The following LACTB variants were observed in gnomAD, a reference collection of about 807,000 sequenced individuals.
LACTB encodes serine beta-lactamase-like protein LACTB, mitochondrial.
LACTB carries 35 observed loss-of-function variants against 50.2 expected under a neutral mutation model. That is an observed-to-expected ratio of 0.70 (90% CI 0.53 to 0.92). The LOEUF is 0.92. Among genes scored for constraint, LACTB ranks in the 40% least tolerant of loss-of-function variants. The pLI is 0.00. For synonymous variants in LACTB, 252 were observed against 268.2 expected, an observed-to-expected ratio of 0.94 and a Z score of 0.59; for missense variants, 664 against 691.8, an observed-to-expected ratio of 0.96 and a Z score of 0.45.
chr15:63,125,592 G>A (rs1251349066), intron 2 of LACTB, among the ~76,000 whole-genome samples: 4 of 152,220 alleles, frequency 2.6e-5, no homozygotes, highest in African/African-American at 9.6e-5. Flanking sequence ...TGGACTTTAT[G>A]CAAATATTTT....
intron 5 of LACTB, chr15:63,140,961 A>G: frequency 1.0e-6 from 1 of 971,900 alleles, no homozygotes; most frequent in South Asian, 4.8e-5. Context: ...TGCACAGGGC[A>G]AATATGTCAT....
chr15:63,137,776 A>G (rs2037190412), intron 5 of LACTB, among the ~76,000 whole-genome samples: 1 of 152,126 alleles, frequency 6.6e-6, no homozygotes, highest in African/African-American at 2.4e-5. Context: ...CTTTGGCTGT[A>G]TTTTGACAGT....
chr15:63,127,779 C>T, intron 4 of LACTB, 90 bp downstream of exon 4: 1 of 892,170 alleles, frequency 1.1e-6, no homozygotes, highest in Non-Finnish European at 1.7e-6. Flanking sequence ...GGAGTGCATT[C>T]ATTGAGGTTG....
rs1231666157 is a variant in LACTB, at chr15:63,122,123, G to C, written c.252G>C (p.Gln84His). 1.1e-5 allele frequency: 16 copies of C among 1,489,162 alleles called. 1 individual carries two copies. Among genetic ancestry groups the C allele is most frequent in the African/African-American group, 2.9e-5 (2 of 68,470 alleles). The allele number at this position is 1,489,162 out of a possible 1,614,324, so 92.2% of individuals were successfully genotyped here. ...PEASPLAEPPQEQSLAPWSPQ... is the reference protein window; with the variant it reads ...PEASPLAEPPHEQSLAPWSPQ... ...CGTCGCCTCTGGCCGAGCCGCCACA[G>C]GAGCAGTCCCTCGCCCCGTGGTCTC... is the stretch of plus-strand genomic sequence containing the variant. Residue 84 changes from glutamine (Q) to histidine (H), a missense_variant, in exon 1 of 6, where the codon CAG becomes CAC. Transcript: ENST00000261893.
Position 63,139,587 on chromosome 15 carries a change from A to G in LACTB, c.1119-1693A>G, listed in dbSNP as rs533814912. On this transcript the variant is annotated intron_variant, in intron 5 of 5. Coordinates refer to ENST00000261893, the MANE Select transcript of LACTB (RefSeq NM_032857.5). ...AGAATCACTTGAACCCGGGAAGTGG[A>G]GGTTGCAGTGAGCCAAGATCGCGCC... 3.9e-5 allele frequency among the ~76,000 whole-genome samples: 6 copies of G among 152,268 alleles called. No individual in the cohort carries two copies. The East Asian group carries it at 1.2e-3, about 29-fold the overall frequency.
intron 2 of LACTB, among the ~76,000 whole-genome samples, chr15:63,126,171 T>C (rs1440834942): frequency 6.6e-6 from 1 of 152,218 alleles, no homozygotes; most frequent in African/African-American, 2.4e-5. Context: ...TGAGACAGTT[T>C]CACTTTGTCG....
In LACTB at chr15:63,122,048, G is replaced by A; in HGVS notation, c.177G>A (p.Gly59=). 7.0e-7 allele frequency: 1 copy of A among 1,426,882 alleles called. No individual in the cohort carries two copies. 88.4% of individuals were successfully genotyped at this position (1,426,882 alleles called of 1,614,324 possible). A position where few individuals can be genotyped will look rare whatever the true frequency, so the allele number is the denominator to read the frequency against. ...GLALGVKLAG[G]LRGAAPAQSP... ...CGCTCGGGGTGAAGCTGGCAGGTGG[G>A]CTGAGGGGCGCGGCCCCGGCGCAGT... Residue 59 remains glycine, a synonymous_variant, in exon 1 of 6, where the codon GGG becomes GGA. Transcript: ENST00000261893.
Position 63,127,632 on chromosome 15 carries a change from GA to G in LACTB, c.899del (p.Asn300IlefsTer6), listed in dbSNP as rs750546404. The G allele has an allele frequency of 1.2e-6, 2 of 1,610,580 alleles. No homozygotes were observed. Among genetic ancestry groups the G allele is most frequent in the Non-Finnish European group, 1.7e-6 (2 of 1,178,224 alleles). On this transcript the variant is annotated frameshift_variant, in exon 4 of 6. Coordinates refer to ENST00000261893, the MANE Select transcript of LACTB (RefSeq NM_032857.5). LOFTEE classifies it high-confidence loss of function. ...QGELYLREKF[E>X]NSIESLRLFK... ...CGAATTATATTTGAGAGAAAAGTTT[GA>G]AAATTCAATTGAATCCCTAAGATTA...
At chr15:63,132,655 C>A (rs191008003) in intron 5 of LACTB, among the ~76,000 whole-genome samples, 1 of 151,694 alleles carries the variant, frequency 6.6e-6, no homozygotes, top group African/African-American at 2.4e-5. Context: ...CCATCTCTAC[C>A]AAAAGTACAA....
At chr15:63,129,435 A>G (rs760189836) in intron 4 of LACTB, 50 bp from the exon 5 acceptor site, 2 of 1,445,810 alleles carry the variant, frequency 1.4e-6, no homozygotes, top group South Asian at 1.5e-5. Flanking sequence ...TATGTTTTTG[A>G]ATAATAATCA....
rs1262370336 is a variant in LACTB at position 63,122,438 on chromosome 15, C to CA, written c.358-198_358-197insA. 111 of 675,578 alleles carry CA rather than the reference C, an allele frequency of 1.6e-4. 1 individual carries two copies. Among genetic ancestry groups the CA allele is most frequent in the Non-Finnish European group, 2.4e-4 (93 of 390,602 alleles). The allele number at this position is 675,578 out of a possible 1,614,324, so 41.8% of individuals were successfully genotyped here. On this transcript the variant is annotated intron_variant, in intron 1 of 5. Transcript: ENST00000261893. ...GGAGGTCACCGCCTGTCTCGGGGAC[C>CA]GCCCCTTCCCCCTAGGGGGCGGACA...
rs777272720 is a variant in LACTB, at chr15:63,141,286, T to A, written c.1125T>A (p.Tyr375Ter). Residue 375 changes from tyrosine to a stop codon, truncating the protein, a stop_gained, in exon 6 of 6, where the codon TAT (tyrosine) becomes TAA (stop). Transcript: ENST00000261893. LOFTEE classifies it high-confidence loss of function. The stretch of plus-strand genomic sequence containing the variant: ...ATTTCTTATTTCCTTTTAGATTTTA[T>A]GTTTACAATAAAAAGAAACGTCTTG... ...EPVIYNRARFYVYNKKKRLVN... is the reference protein window; with the variant it reads ...EPVIYNRARF 1.3e-6 allele frequency: 2 copies of A among 1,585,704 alleles called. No individual in the cohort carries two copies. Among genetic ancestry groups the A allele is most frequent in the East Asian group, 4.5e-5 (2 of 44,496 alleles).
intron 4 of LACTB, among the ~76,000 whole-genome samples, chr15:63,128,047 A>G (rs1182371609): frequency 6.6e-6 from 1 of 152,224 alleles, no homozygotes; most frequent in Non-Finnish European, 1.5e-5. Context: ...AAATTGCTCA[A>G]CTTATTTTGT....
In LACTB at chr15:63,141,752, A is replaced by G; in HGVS notation, c.1591A>G (p.Asn531Asp). 6.2e-7 allele frequency: 1 copy of G among 1,614,170 alleles called. No homozygotes were observed. Among genetic ancestry groups the G allele is most frequent in the East Asian group, 2.2e-5 (1 of 44,892 alleles). Residue 531 changes from asparagine (N) to aspartate (D), a missense_variant, in exon 6 of 6, where the codon AAT (asparagine) becomes GAT (aspartate). Asn to Asp is a conservative substitution (Grantham distance 23, BLOSUM62 1). Coordinates refer to ENST00000261893, the MANE Select transcript of LACTB (RefSeq NM_032857.5). ...IICNMQSVGL[N>D]STALKIALEF... Reference sequence around the variant, plus strand: ...ATGTAACATGCAATCTGTTGGCCTCAATAGCACCGCTTTGAAGATTGCCCT... The same window carrying G: ...ATGTAACATGCAATCTGTTGGCCTCGATAGCACCGCTTTGAAGATTGCCCT...
At position 63,142,026 on chromosome 15, in the gene LACTB, G is replaced by C. The variant is rs901663986; in HGVS notation, c.*221G>C. The stretch of plus-strand genomic sequence containing the variant: ...ATATTGTTTTTACTTTTTGAAAAAA[G>C]TGTTAACTCTTGAAATAAAATATTC... On this transcript the variant is annotated 3_prime_UTR_variant, in exon 6 of 6. Transcript: ENST00000261893. The C allele has an allele frequency of 4.7e-6, 2 of 424,636 alleles. No individual in the cohort carries two copies. The highest frequency in any genetic ancestry group is 4.0e-5 in the African/African-American group (2 of 50,572). 26.3% of individuals were successfully genotyped at this position (424,636 alleles called of 1,614,324 possible). A position where few individuals can be genotyped will look rare whatever the true frequency, so the allele number is the denominator to read the frequency against.
At chr15:63,126,826 T>C (rs2037058799) in intron 2 of LACTB, 33 bp from the exon 3 acceptor site, 1 of 1,405,904 alleles carries the variant, frequency 7.1e-7, no homozygotes, top group African/African-American at 1.4e-5. Flanking sequence ...ATGAAGCCTG[T>C]TAATAGTGAC....
intron 5 of LACTB, among the ~76,000 whole-genome samples, chr15:63,140,193 A>G (rs973432681): frequency 6.6e-6 from 1 of 152,208 alleles, no homozygotes; most frequent in Middle Eastern, 3.2e-3. Flanking sequence ...GTTGGCTGGA[A>G]TTACAAATAT....
At chr15:63,134,890 A>C (rs929248043) in intron 5 of LACTB, among the ~76,000 whole-genome samples, 1 of 151,502 alleles carries the variant, frequency 6.6e-6, no homozygotes, top group Admixed American at 6.6e-5. Context: ...GTTGAGGTTA[A>C]AAAAAAAGTT....
intron 1 of LACTB, 119 bp downstream of exon 1, chr15:63,122,347 A>C: frequency 1.1e-6 from 1 of 892,936 alleles, no homozygotes; most frequent in Non-Finnish European, 1.6e-6. Flanking sequence ...GCTTCCGAGA[A>C]AGACTTCCCA....
Sources: gnomAD v4.1 joint callset for allele counts (sites outside exome capture counted in the v4.1 genomes callset) on GRCh38, gnomAD v4.1.1 for gene constraint, MANE v1.5 for transcripts, NCBI Gene and HGNC (gene_info 2026-07-23, HGNC 2026-07-21) for gene names.